Variants in KMT2E observed in about 807,000 individuals in gnomAD.
KMT2E encodes the protein histone reader KMT2E.
KMT2E carries 30 observed loss-of-function variants against 184.6 expected under a neutral mutation model. The ratio of observed to expected loss-of-function variants is 0.16; its 90% CI spans 0.12 to 0.22. KMT2E has a LOEUF of 0.22. KMT2E is among the 10% of genes least tolerant of loss of function. The probability of loss-of-function intolerance (pLI) is 1.00; values close to 1 mark genes in which losing one functional copy is unlikely to be tolerated. For synonymous variants in KMT2E, 815 were observed against 776.5 expected, an observed-to-expected ratio of 1.05 and a Z score of -0.82; for missense variants, 2,023 against 2,237.4, an observed-to-expected ratio of 0.90 and a Z score of 1.93.
chr7:105,109,360 A>G, intron 23 of KMT2E, 132 bp downstream of exon 23: 1 of 908,334 alleles, frequency 1.1e-6, no homozygotes, highest in South Asian at 1.7e-5. Context: ...CTCTCTGCTA[A>G]TAGGATTTTA....
chr7:105,110,965 G>C lies in KMT2E; in HGVS notation c.4068+97G>C, dbSNP rs1799222157. The C allele has an allele frequency of 7.4e-6, 6 of 809,726 alleles. No individual in the cohort carries two copies. In the South Asian group the frequency reaches 9.4e-5, roughly 13 times the overall value. The allele number at this position is 809,726 out of a possible 1,614,324, so 50.2% of individuals were successfully genotyped here. On this transcript the variant is annotated intron_variant, in intron 26 of 26. Transcript: ENST00000311117. Reference sequence around the variant, plus strand: ...ATGCAGTGTTTTTCTGCTGTATCAAGTATCAACTTGTGACTTCTGGACACT... The same window carrying C: ...ATGCAGTGTTTTTCTGCTGTATCAACTATCAACTTGTGACTTCTGGACACT...
chr7:105,072,901 C>A (rs931374611), intron 6 of KMT2E, among the ~76,000 whole-genome samples: 2 of 150,684 alleles, frequency 1.3e-5, no homozygotes, highest in East Asian at 3.9e-4. Flanking sequence ...GCAATAAGAG[C>A]GAAACTCCAT....
At chr7:105,099,106 A>G (rs139200917) in intron 15 of KMT2E, among the ~76,000 whole-genome samples, 70 of 152,350 alleles carry the variant, frequency 4.6e-4, no homozygotes, top group African/African-American at 1.7e-3. Flanking sequence ...TATGACCTTT[A>G]AGAAATTAAA....
chr7:105,105,216 CAT>C, intron 17 of KMT2E: 2 of 394,710 alleles, frequency 5.1e-6, no homozygotes, highest in Non-Finnish European at 8.9e-6. Flanking sequence ...AAAAAGCAAC[CAT>C]ATGTTTTGTT....
Position 105,107,212 on chromosome 7 carries a change from A to C in KMT2E, c.2894A>C (p.Tyr965Ser). 1 of 1,559,040 alleles carries C rather than the reference A, an allele frequency of 6.4e-7. No individual in the cohort carries two copies. Among genetic ancestry groups the C allele is most frequent in the Non-Finnish European group, 8.7e-7 (1 of 1,145,464 alleles). Reference sequence around the variant, plus strand: ...TCTCCAGAAATAAAGAGACGCACTTATAGTCAAGAGGTAAGAAGTTAACTT... The same window carrying C: ...TCTCCAGAAATAAAGAGACGCACTTCTAGTCAAGAGGTAAGAAGTTAACTT... The part of the protein sequence containing the change: ...ESSPEIKRRT[Y>S]SQEGYDRSST... Residue 965 changes from tyrosine to serine, a missense_variant, in exon 21 of 27, where the codon TAT becomes TCT. Tyr to Ser is a moderately radical substitution (Grantham distance 144). Around this residue, in one of 8 missense-constraint regions of KMT2E, gnomAD observed 514 missense variants for 621.8 expected, o/e 0.83. Transcript: ENST00000311117.
chr7:105,097,386 A>AT (rs1437168175), intron 15 of KMT2E, among the ~76,000 whole-genome samples: 11 of 151,736 alleles, frequency 7.2e-5, no homozygotes, highest in Non-Finnish European at 1.6e-4. Context: ...CCTGTTTATT[A>AT]TTTTTTTCAT....
chr7:105,098,310 G>C (rs979786778), intron 15 of KMT2E, among the ~76,000 whole-genome samples: 1 of 150,714 alleles, frequency 6.6e-6, no homozygotes, highest in East Asian at 1.9e-4. Context: ...ATGACCAATA[G>C]CTTACTGCAG....
At chr7:105,041,114 A>G (rs1267920735) in intron 3 of KMT2E, 91 bp downstream of exon 3, 1 of 742,806 alleles carries the variant, frequency 1.3e-6, no homozygotes, top group African/African-American at 1.8e-5. Context: ...GAAAATATTA[A>G]ATTTCTTCTT....
At chr7:105,064,542 G>A (rs1464544994) in intron 5 of KMT2E, among the ~76,000 whole-genome samples, 3 of 151,962 alleles carry the variant, frequency 2.0e-5, no homozygotes, top group Non-Finnish European at 4.4e-5. Flanking sequence ...TTAGCATTAT[G>A]TTTCAAAAAG....
At chr7:105,099,682 C>G (rs764067370) in intron 15 of KMT2E, among the ~76,000 whole-genome samples, 4 of 152,142 alleles carry the variant, frequency 2.6e-5, no homozygotes, top group African/African-American at 9.7e-5. Context: ...TGGGTGCCCA[C>G]CTGTGGGTAG....
In KMT2E at chr7:105,091,568, A is replaced by T. The variant is rs188352240; in HGVS notation, c.1722+254A>T. The stretch of plus-strand genomic sequence containing the variant: ...ACATTTTGGAAGTAATAATATTTTA[A>T]TAATGCCACACTGAACTATTAATAA... On this transcript the variant is annotated intron_variant, in intron 15 of 26. Transcript: ENST00000311117. 1.2e-3 allele frequency: 660 copies of T among 570,432 alleles called. 3 individuals are homozygous for T. Among genetic ancestry groups the T allele is most frequent in the African/African-American group, 0.011 (593 of 53,434 alleles). 35.3% of individuals were successfully genotyped at this position (570,432 alleles called of 1,614,324 possible). A position where few individuals can be genotyped will look rare whatever the true frequency, so the allele number is the denominator to read the frequency against.
chr7:105,056,319 A>G (rs1207630858), intron 3 of KMT2E, among the ~76,000 whole-genome samples: 1 of 152,226 alleles, frequency 6.6e-6, no homozygotes, highest in African/African-American at 2.4e-5. Context: ...ACAGAGAGGT[A>G]CAGTTTATTG....
intron 5 of KMT2E, among the ~76,000 whole-genome samples, chr7:105,065,470 G>T (rs966928470): frequency 4.6e-5 from 7 of 152,126 alleles, no homozygotes; most frequent in Admixed American, 3.3e-4. Context: ...AGTTAGTTTG[G>T]TACAGTAGTC....
In KMT2E at chr7:105,073,611, T is replaced by A. The variant is rs1797416441; in HGVS notation, c.498-8T>A. On this transcript the variant is annotated splice_region_variant and splice_polypyrimidine_tract_variant and intron_variant, in intron 6 of 26. Coordinates refer to ENST00000311117, the MANE Select transcript of KMT2E (RefSeq NM_182931.3). ...TTGATAAATAATTATGCTAATTTTT[T>A]AATGTAGGAATTTGGATAAAGAGAG... 5.1e-6 allele frequency: 8 copies of A among 1,563,924 alleles called. No individual in the cohort carries two copies. Among genetic ancestry groups the A allele is most frequent in the African/African-American group, 2.7e-5 (2 of 73,850 alleles).
intron 13 of KMT2E, among the ~76,000 whole-genome samples, chr7:105,083,725 C>A (rs139866084): frequency 4.6e-4 from 70 of 152,266 alleles, no homozygotes; most frequent in African/African-American, 1.7e-3. Context: ...ACTTTCCCCC[C>A]CCAGAATAGG....
chr7:105,031,363 G>C (rs887735636), intron 1 of KMT2E, among the ~76,000 whole-genome samples: 7 of 150,902 alleles, frequency 4.6e-5, no homozygotes, highest in Non-Finnish European at 8.9e-5. Context: ...TCTGAGGATT[G>C]GGGGGGTGGT....
At chr7:105,054,734 C>T (rs1796506110) in intron 3 of KMT2E, among the ~76,000 whole-genome samples, 1 of 152,122 alleles carries the variant, frequency 6.6e-6, no homozygotes, top group Non-Finnish European at 1.5e-5. Context: ...GGCTTGATCT[C>T]GAACTCCTGA....
intron 1 of KMT2E, among the ~76,000 whole-genome samples, chr7:105,026,292 G>A (rs1440042191): frequency 1.3e-5 from 2 of 152,154 alleles, no homozygotes; most frequent in African/African-American, 2.4e-5. Flanking sequence ...TTTATCCAGT[G>A]GGGTTTATAG....
In KMT2E at chr7:105,112,393, C is replaced by T. The variant is rs759028371; in HGVS notation, c.4637C>T (p.Pro1546Leu). The change falls in exon 27 of 27, where the codon CCT becomes CTT. Residue 1546 changes from proline to leucine, a missense_variant. Physicochemically the swap from Pro to Leu is moderately conservative, Grantham distance 98. Coordinates refer to ENST00000311117, the MANE Select transcript of KMT2E (RefSeq NM_182931.3). The part of the protein sequence containing the change: ...QQSLNSTAPP[P>L]PPPPPPSSSY... ...AGTCTGAACAGCACGGCACCACCCCCTCCACCTCCTCCACCTCCTTCTTCG... is the reference window on the plus strand; with the variant it reads ...AGTCTGAACAGCACGGCACCACCCCTTCCACCTCCTCCACCTCCTTCTTCG... 14 of 1,612,418 alleles carry T rather than the reference C, an allele frequency of 8.7e-6. No homozygotes were observed. The highest frequency in any genetic ancestry group is 1.2e-5 in the Non-Finnish European group (14 of 1,179,698).
Sources: allele counts gnomAD v4.1 joint callset (sites outside exome capture counted in the v4.1 genomes callset), GRCh38; gene constraint gnomAD v4.1.1; regional missense constraint gnomAD v4.1.1; transcripts MANE v1.5; gene names NCBI Gene and HGNC (gene_info 2026-07-23, HGNC 2026-07-21).